GRIP2: variants seen among roughly 807,000 people sequenced by gnomAD.
The protein encoded by GRIP2 is glutamate receptor interacting protein 2.
Under a neutral mutation model 108.3 loss-of-function variants are expected in GRIP2, and 58 were observed. The observed-to-expected ratio is 0.54, with a 90% CI of 0.43 to 0.67. The LOEUF (loss-of-function observed/expected upper bound fraction) is 0.67. Ranked by LOEUF, GRIP2 falls within the 30% of genes least tolerant of loss-of-function variation. The pLI is 0.00. For missense variants in GRIP2, 1,278 were observed against 1,430.6 expected (o/e 0.89, Z 1.72); for synonymous variants, 586 against 598.2 (o/e 0.98, Z 0.30).
intron 1 of GRIP2, among the ~76,000 whole-genome samples, chr3:14,537,338 C>A (rs12495730): frequency 2.0e-5 from 3 of 152,192 alleles, no homozygotes; most frequent in Admixed American, 2.0e-4. Context: ...TACACACGCA[C>A]CCTGTACCTC....
intron 21 of GRIP2, among the ~76,000 whole-genome samples, chr3:14,502,240 C>A (rs1336458363): frequency 6.6e-6 from 1 of 152,116 alleles, no homozygotes; most frequent in Non-Finnish European, 1.5e-5. Flanking sequence ...ACTCTGTAAT[C>A]CCAGCACTTT....
chr3:14,511,280 T>C lies in GRIP2; in HGVS notation c.1818A>G (p.Leu606=), dbSNP rs1043119419. The C allele has an allele frequency of 5.6e-6, 9 of 1,613,972 alleles. No individual in the cohort carries two copies. Among genetic ancestry groups the C allele is most frequent in the Non-Finnish European group, 7.6e-6 (9 of 1,179,870 alleles). ...RTGTLEPGDK[L]LAIDNIRLDN... ...CCAGGCGGATATTGTCAATGGCCAG[T>C]AGCTTGTCGCCTGGCTCCAGGGTGC... The change falls in exon 16 of 24, where the codon CTA becomes CTG. Residue 606 remains leucine (L), a synonymous_variant. Coordinates refer to ENST00000621039, the MANE Select transcript of GRIP2 (RefSeq NM_001080423.4). The surrounding 1 kb of genome is among the most constrained non-coding windows in gnomAD (Gnocchi z 4.1).
the GRIP2 span, among the ~76,000 whole-genome samples, chr3:14,580,812 G>A: frequency 6.6e-6 from 1 of 152,180 alleles, no homozygotes; most frequent in African/African-American, 2.4e-5. Flanking sequence ...TTTTTTAGAT[G>A]TGATTACATT....
Position 14,492,724 on chromosome 3 carries a change from A to T in GRIP2, c.*941T>A, listed in dbSNP as rs1701363730. 6.6e-6 allele frequency: 1 copy of T among 152,276 alleles called. No homozygotes were observed. The highest frequency in any genetic ancestry group is 2.4e-5 in the African/African-American group (1 of 41,448). 9.4% of individuals were successfully genotyped at this position (152,276 alleles called of 1,614,324 possible). On this transcript the variant is annotated 3_prime_UTR_variant, in exon 24 of 24. Coordinates refer to ENST00000621039, the MANE Select transcript of GRIP2 (RefSeq NM_001080423.4). ...TTTCACTGGATGGCAGGTGAATGGA[A>T]GCTCCAGGGTCTTTTGCCCCAAAAT... is the stretch of plus-strand genomic sequence containing the variant.
chr3:14,573,305 G>A, the GRIP2 span: 1 of 1,420,170 alleles, frequency 7.0e-7, no homozygotes, highest in Non-Finnish European at 9.9e-7. Context: ...CACTGGCCAG[G>A]TTGCCAGTGA....
At chr3:14,495,147 C>T (rs1207392432) in intron 22 of GRIP2, among the ~76,000 whole-genome samples, 158 bp from the exon 23 acceptor site, 1 of 152,062 alleles carries the variant, frequency 6.6e-6, no homozygotes, top group African/African-American at 2.4e-5. Context: ...CTTCAGCCAC[C>T]CCCGCCACCC....
intron 1 of GRIP2, among the ~76,000 whole-genome samples, chr3:14,539,965 C>G (rs1694922273): frequency 6.6e-6 from 1 of 152,164 alleles, no homozygotes; most frequent in African/African-American, 2.4e-5. Flanking sequence ...TCGCTCACAC[C>G]CAGATAGGAC....
chr3:14,529,439 C>T (rs1020044840), intron 1 of GRIP2, among the ~76,000 whole-genome samples: 115 of 152,254 alleles, frequency 7.6e-4, no homozygotes, highest in African/African-American at 2.4e-3. Flanking sequence ...AATGCAATTT[C>T]ACCTTTAAAT....
chr3:14,581,569 GC>G, the GRIP2 span, among the ~76,000 whole-genome samples: 1 of 152,252 alleles, frequency 6.6e-6, no homozygotes, highest in Admixed American at 6.5e-5. Context: ...ATGGGAGACA[GC>G]CCCAGGACTT....
intron 10 of GRIP2, 125 bp from the exon 11 acceptor site, chr3:14,517,338 T>A: frequency 1.0e-6 from 1 of 986,094 alleles, no homozygotes; most frequent in Non-Finnish European, 1.4e-6. Context: ...TCACATCAGT[T>A]ACTCATTGTG....
At position 14,493,557 on chromosome 3, in the gene GRIP2, C is replaced by G; in HGVS notation, c.*108G>C. The stretch of plus-strand genomic sequence containing the variant: ...GCATCATCCCAGGCTCAGAGTCTGC[C>G]AGACCAACAGATGAATGAGTGGGTG... On this transcript the variant is annotated 3_prime_UTR_variant, in exon 24 of 24. Transcript: ENST00000621039. 7.7e-7 allele frequency: 1 copy of G among 1,300,002 alleles called. No individual in the cohort carries two copies. Among genetic ancestry groups the G allele is most frequent in the East Asian group, 2.6e-5 (1 of 38,438 alleles). The allele number at this position is 1,300,002 out of a possible 1,614,324, so 80.5% of individuals were successfully genotyped here.
At chr3:14,518,883 G>C (rs192476798) in intron 9 of GRIP2, among the ~76,000 whole-genome samples, 32 of 152,340 alleles carry the variant, frequency 2.1e-4, no homozygotes, top group Non-Finnish European at 4.4e-4. Context: ...TCGGGTAATG[G>C]GGAGGGTTAG....
upstream of GRIP2, among the ~76,000 whole-genome samples, chr3:14,540,730 A>G (rs1694951511): frequency 2.0e-5 from 3 of 152,104 alleles, no homozygotes; most frequent in African/African-American, 4.8e-5. The surrounding 1 kb of genome is among the most constrained non-coding windows in gnomAD (Gnocchi z 4.1). Flanking sequence ...AGATTCCAAG[A>G]GAATTTGCAC....
chr3:14,499,962 G>T (rs1191983754), intron 21 of GRIP2, among the ~76,000 whole-genome samples: 1 of 152,124 alleles, frequency 6.6e-6, no homozygotes, highest in Admixed American at 6.5e-5. Flanking sequence ...GCTATCCTGG[G>T]CTACATGCGG....
rs117718808 is a variant in GRIP2, at chr3:14,549,586, T to C, written c.55+6314A>G. Among the ~76,000 whole-genome samples, 10 of 152,330 alleles carry C rather than the reference T, an allele frequency of 6.6e-5. No homozygotes were observed. In the East Asian group the frequency reaches 1.9e-3, roughly 29 times the overall value. On this transcript the variant is annotated intron_variant, in intron 1 of 23. Transcript: ENST00000637182. ...TCCCAGATGCCACAACATCTGACCA[T>C]GCTGGACAGACATCCTCTACGCCCA... is the stretch of plus-strand genomic sequence containing the variant.
At chr3:14,573,688 T>C in the GRIP2 span, 9 of 1,443,640 alleles carry the variant, frequency 6.2e-6, no homozygotes, top group Non-Finnish European at 8.7e-6. Flanking sequence ...TTGTTTCTGG[T>C]GCAGATCGGC....
rs1694930926 is a variant in GRIP2, at chr3:14,540,165, A to G, written c.40+104T>C. The G allele has an allele frequency of 4.3e-6, 6 of 1,389,298 alleles. No individual in the cohort carries two copies. In the East Asian group the frequency reaches 1.5e-4, roughly 34 times the overall value. The allele number at this position is 1,389,298 out of a possible 1,614,324, so 86.1% of individuals were successfully genotyped here. On this transcript the variant is annotated intron_variant, in intron 1 of 23. Transcript: ENST00000621039. The surrounding 1 kb of genome is among the most constrained non-coding windows in gnomAD (Gnocchi z 4.1). ...AAGCCCTGGGTCTCCAGGGAGTGGC[A>G]GTCCCAGGTCTCAGCCATCCAGTCC...
intron 1 of GRIP2, among the ~76,000 whole-genome samples, chr3:14,526,641 T>C (rs1694561172): frequency 6.6e-6 from 1 of 152,208 alleles, no homozygotes; most frequent in Non-Finnish European, 1.5e-5. Context: ...ATAGATGTAC[T>C]TTAGGACTTT....
At chr3:14,538,672 T>C (rs1456423432) in intron 1 of GRIP2, among the ~76,000 whole-genome samples, 4 of 152,154 alleles carry the variant, frequency 2.6e-5, no homozygotes, top group Non-Finnish European at 4.4e-5. Flanking sequence ...GGGTGGAGGC[T>C]ACAGTGGTGA....
Sources: gnomAD v4.1 joint callset for allele counts (sites outside exome capture counted in the v4.1 genomes callset) on GRCh38, gnomAD v4.1.1 for gene constraint, Gnocchi (gnomAD v3.1) non-coding constraint, MANE v1.5 for transcripts, NCBI Gene and HGNC (gene_info 2026-07-23, HGNC 2026-07-21) for gene names.